PDSS2: variants seen among roughly 807,000 people sequenced by gnomAD.
PDSS2 encodes all trans-polyprenyl-diphosphate synthase PDSS2.
PDSS2 carries 31 observed loss-of-function variants against 44.5 expected under a neutral mutation model. The observed-to-expected ratio is 0.70, with a 90% CI of 0.52 to 0.94. The LOEUF (loss-of-function observed/expected upper bound fraction) is 0.94. Ranked by LOEUF, PDSS2 falls within the 40% of genes least tolerant of loss-of-function variation. The pLI, the probability that PDSS2 is intolerant of heterozygous loss-of-function variation, is 0.00. For missense variants in PDSS2, 452 were observed against 482.2 expected, an observed-to-expected ratio of 0.94 and a Z score of 0.59; for synonymous variants, 157 against 180.3, an observed-to-expected ratio of 0.87 and a Z score of 1.03.
intron 3 of PDSS2, among the ~76,000 whole-genome samples, chr6:107,265,053 T>C (rs1775369506): frequency 6.6e-6 from 1 of 152,228 alleles, no homozygotes; most frequent in South Asian, 2.1e-4. Context: ...CAAAATCTTG[T>C]TAATTTGCAT....
intron 2 of PDSS2, among the ~76,000 whole-genome samples, chr6:107,302,566 A>C (rs2430470): frequency 1 from 152,129 of 152,246 alleles, 76,006 homozygotes; most frequent in East Asian, 1. Flanking sequence ...CAGTGCCTGA[A>C]TTAAATCTTT....
intron 2 of PDSS2, among the ~76,000 whole-genome samples, chr6:107,294,807 G>C (rs568648077): frequency 1.3e-5 from 2 of 152,272 alleles, no homozygotes; most frequent in Non-Finnish European, 2.9e-5. Flanking sequence ...TACTTTTGCT[G>C]AGGTAAAATA....
chr6:107,457,137 T>C (rs1782070942), intron 1 of PDSS2, among the ~76,000 whole-genome samples: 1 of 152,168 alleles, frequency 6.6e-6, no homozygotes, highest in Non-Finnish European at 1.5e-5. Flanking sequence ...TTGATAACTT[T>C]TGTAGTAAGA....
chr6:107,252,689 G>A (rs978420554), intron 3 of PDSS2, among the ~76,000 whole-genome samples: 1 of 152,216 alleles, frequency 6.6e-6, no homozygotes, highest in African/African-American at 2.4e-5. Context: ...AGCACTTTGA[G>A]AGGCCGAGGT....
At chr6:107,451,522 T>C (rs1781865985) in intron 1 of PDSS2, among the ~76,000 whole-genome samples, 1 of 152,150 alleles carries the variant, frequency 6.6e-6, no homozygotes, top group African/African-American at 2.4e-5. Flanking sequence ...AAACCCCTCG[T>C]AGCCTCTGGA....
At chr6:107,289,199 C>T (rs570272600) in intron 2 of PDSS2, among the ~76,000 whole-genome samples, 1 of 150,650 alleles carries the variant, frequency 6.6e-6, no homozygotes, top group East Asian at 2.0e-4. Flanking sequence ...ATGGTGAAAC[C>T]CCATCTCTAC....
intron 2 of PDSS2, among the ~76,000 whole-genome samples, chr6:107,327,931 A>C (rs2115206767): frequency 6.6e-6 from 1 of 152,354 alleles, no homozygotes; most frequent in East Asian, 1.9e-4. Flanking sequence ...GTCCATGTTA[A>C]ACTACTCTGT....
intron 2 of PDSS2, among the ~76,000 whole-genome samples, chr6:107,313,155 A>G (rs1453167483): frequency 3.9e-5 from 6 of 152,238 alleles, no homozygotes; most frequent in Non-Finnish European, 1.5e-5. Context: ...ACATGTGCTT[A>G]CATTCTAATT....
At chr6:107,337,232 G>A (rs1777933574) in intron 1 of PDSS2, among the ~76,000 whole-genome samples, 6 of 152,054 alleles carry the variant, frequency 3.9e-5, no homozygotes, top group Admixed American at 3.9e-4. Context: ...TTACAGATGG[G>A]GAATGAGGCA....
intron 1 of PDSS2, among the ~76,000 whole-genome samples, chr6:107,338,465 A>C (rs1484735465): frequency 1.3e-5 from 2 of 152,222 alleles, no homozygotes; most frequent in African/African-American, 4.8e-5. Flanking sequence ...ACAGTGGAGA[A>C]TATGATGAGG....
chr6:107,377,670 A>G (rs1264959575), intron 1 of PDSS2, among the ~76,000 whole-genome samples: 1 of 152,198 alleles, frequency 6.6e-6, no homozygotes, highest in Non-Finnish European at 1.5e-5. Flanking sequence ...GATTAAGAAA[A>G]TGTGGCACAT....
rs1034016357 is a variant in PDSS2, at chr6:107,377,139, T to C, written c.297-42807A>G. Among the ~76,000 whole-genome samples, 4 of 141,080 alleles carry C rather than the reference T, an allele frequency of 2.8e-5. No homozygotes were observed. In the Admixed American group the frequency reaches 2.9e-4, roughly 10 times the overall value. 92.6% of individuals were successfully genotyped at this position (141,080 alleles called of 152,430 possible). On this transcript the variant is annotated intron_variant, in intron 1 of 7. Transcript: ENST00000369037. ...GGAGAAAATTTTCGCAACCTACTCA[T>C]CAGACAAAGGGCTAATACCCAGAAT...
intron 2 of PDSS2, among the ~76,000 whole-genome samples, chr6:107,318,392 GTC>G (rs1343635954): frequency 1.3e-5 from 2 of 151,872 alleles, no homozygotes; most frequent in Non-Finnish European, 2.9e-5. Flanking sequence ...AAGATCCCAG[GTC>G]TCTGTTTACT....
intron 7 of PDSS2, among the ~76,000 whole-genome samples, chr6:107,160,644 C>T (rs928028063): frequency 3.3e-5 from 5 of 151,958 alleles, no homozygotes; most frequent in East Asian, 1.9e-4. Context: ...TGTGTCACCT[C>T]GGCCAGTTGA....
At chr6:107,363,355 G>A (rs1778843085) in intron 1 of PDSS2, among the ~76,000 whole-genome samples, 1 of 152,190 alleles carries the variant, frequency 6.6e-6, no homozygotes, top group Non-Finnish European at 1.5e-5. Context: ...GGCGCGTCTG[G>A]AGTCTGTCCC....
chr6:107,172,867 T>G (rs1554248972), intron 7 of PDSS2, among the ~76,000 whole-genome samples: 2 of 151,758 alleles, frequency 1.3e-5, no homozygotes, highest in African/African-American at 2.4e-5. Flanking sequence ...AGCTCACGCT[T>G]GAAATCCCAG....
At chr6:107,418,779 C>T (rs1292181443) in intron 1 of PDSS2, among the ~76,000 whole-genome samples, 3 of 151,924 alleles carry the variant, frequency 2.0e-5, no homozygotes, top group Non-Finnish European at 2.9e-5. Context: ...TGTCTCAAAA[C>T]AAACAAACAA....
chr6:107,385,209 T>C (rs946888459), intron 1 of PDSS2, among the ~76,000 whole-genome samples: 3 of 152,206 alleles, frequency 2.0e-5, no homozygotes, highest in Non-Finnish European at 2.9e-5. Flanking sequence ...TTAACCTTCC[T>C]GCATTTTTAA....
chr6:107,414,460 C>G (rs2114668928), intron 1 of PDSS2, among the ~76,000 whole-genome samples: 1 of 152,302 alleles, frequency 6.6e-6, no homozygotes, highest in South Asian at 2.1e-4. Flanking sequence ...GCAAACTAGG[C>G]TATAACTTCA....
Sources: gnomAD v4.1 joint callset for allele counts (sites outside exome capture counted in the v4.1 genomes callset) on GRCh38, gnomAD v4.1.1 for gene constraint, MANE v1.5 for transcripts, NCBI Gene and HGNC (gene_info 2026-07-23, HGNC 2026-07-21) for gene names.